The following SPARCL1 variants were observed in gnomAD, a reference collection of about 807,000 sequenced individuals.
SPARCL1 encodes the protein SPARC-like protein 1.
Under a neutral mutation model 67.1 loss-of-function variants are expected in SPARCL1, and 52 were observed. The observed-to-expected ratio is 0.78, with a 90% confidence interval of 0.62 to 0.98. The LOEUF is 0.98. SPARCL1 is among the 50% of genes least tolerant of loss of function. The pLI, the probability that SPARCL1 is intolerant of heterozygous loss-of-function variation, is 0.00. For synonymous variants in SPARCL1, 226 were observed against 267.8 expected (o/e 0.84, Z 1.52); for missense variants, 717 against 782.4 (o/e 0.92, Z 1.00).
At chr4:87,522,993 GC>G (rs1725888657) in intron 1 of SPARCL1, among the ~76,000 whole-genome samples, 1 of 152,182 alleles carries the variant, frequency 6.6e-6, no homozygotes, top group African/African-American at 2.4e-5. Flanking sequence ...GGGCACAGTG[GC>G]TCATGCCTGT....
At chr4:87,506,817 CTATCTAT>C (rs753904697) in intron 1 of SPARCL1, among the ~76,000 whole-genome samples, 65 of 151,122 alleles carry the variant, frequency 4.3e-4, no homozygotes, top group Admixed American at 1.1e-3. Flanking sequence ...ATCTATCTAT[CTATCTAT>C]CTACCTACCT....
chr4:87,494,226 C>A lies in SPARCL1; in HGVS notation c.574G>T (p.Glu192Ter). ...CCATTGGAAATATTTGGATCCTGCTCTTGGTTTCCTTGATCCCTTAGGCCT... is the reference window on the plus strand; with the variant it reads ...CCATTGGAAATATTTGGATCCTGCTATTGGTTTCCTTGATCCCTTAGGCCT... ...SQGLRDQGNQ[E>*]QDPNISNGEE... Residue 192 changes from glutamate (E) to a stop codon, truncating the protein, a stop_gained, in exon 4 of 11, where the codon GAG becomes TAG. Transcript: ENST00000282470. LOFTEE classifies it high-confidence loss of function. 6.2e-7 allele frequency: 1 copy of A among 1,614,126 alleles called. No homozygotes were observed. The highest frequency in any genetic ancestry group is 8.5e-7 in the Non-Finnish European group (1 of 1,180,036).
chr4:87,509,079 T>C (rs1725240291), intron 1 of SPARCL1, among the ~76,000 whole-genome samples: 2 of 148,536 alleles, frequency 1.3e-5, no homozygotes, highest in African/African-American at 4.9e-5. Context: ...TAATAATGTA[T>C]CTATAAATAT....
intron 4 of SPARCL1, among the ~76,000 whole-genome samples, chr4:87,492,847 C>T (rs998702191): frequency 4.6e-5 from 7 of 152,170 alleles, no homozygotes; most frequent in Non-Finnish European, 1.0e-4. Context: ...CTCCCTGCCC[C>T]GATCCTGCTG....
At chr4:87,481,263 C>T (rs71607436) in intron 8 of SPARCL1, among the ~76,000 whole-genome samples, 27,133 of 152,122 alleles carry the variant, frequency 0.18, 3,057 homozygotes, top group Admixed American at 0.25. Context: ...TATCGAAGAA[C>T]GCCCTCTGGC....
rs181396730 is a variant in SPARCL1, at chr4:87,526,945, A to C, written c.-12+2100T>G. On this transcript the variant is annotated intron_variant, in intron 1 of 10. Transcript: ENST00000282470. ...TTTCCATGAATGAAGAGACTGAGGC[A>C]CAAAGAGATGAAGTTGTTTGCCCAA... Among the ~76,000 whole-genome samples the C allele has an allele frequency of 3.3e-5, 5 of 152,360 alleles. No individual in the cohort carries two copies. In the East Asian group the frequency reaches 9.6e-4, roughly 29 times the overall value.
At chr4:87,474,678 C>T (rs1723491617) in intron 10 of SPARCL1, among the ~76,000 whole-genome samples, 1 of 151,214 alleles carries the variant, frequency 6.6e-6, no homozygotes, top group Non-Finnish European at 1.5e-5. Flanking sequence ...AAATATGTTT[C>T]ATATTTAGCC....
chr4:87,504,239 T>A (rs1422600404), intron 1 of SPARCL1, among the ~76,000 whole-genome samples: 2 of 150,444 alleles, frequency 1.3e-5, no homozygotes, highest in East Asian at 3.9e-4. Flanking sequence ...TTAAATCATT[T>A]ATAACCTTAC....
chr4:87,485,269 G>C (rs189564413), intron 7 of SPARCL1, among the ~76,000 whole-genome samples: 1 of 152,214 alleles, frequency 6.6e-6, no homozygotes, highest in Admixed American at 6.5e-5. Flanking sequence ...AGAGTTTTTA[G>C]CATGAAGGGA....
intron 1 of SPARCL1, among the ~76,000 whole-genome samples, chr4:87,502,761 T>C (rs4693167): frequency 0.44 from 66,937 of 152,042 alleles, 15,497 homozygotes; most frequent in East Asian, 0.75. Context: ...ATTAATACTT[T>C]GCAGTGAGTC....
chr4:87,524,267 A>C (rs1009372671), intron 1 of SPARCL1, among the ~76,000 whole-genome samples: 1 of 152,162 alleles, frequency 6.6e-6, no homozygotes, highest in Admixed American at 6.6e-5. Flanking sequence ...AATGGTTCAC[A>C]TTTATGCAAT....
intron 2 of SPARCL1, 78 bp from the exon 3 acceptor site, chr4:87,495,205 A>C (rs1724569296): frequency 8.2e-7 from 1 of 1,221,100 alleles, no homozygotes; most frequent in African/African-American, 1.6e-5. Context: ...TCTTGTTGTC[A>C]TCATTATTAG....
At chr4:87,506,275 T>C (rs1429159435) in intron 1 of SPARCL1, among the ~76,000 whole-genome samples, 3 of 152,204 alleles carry the variant, frequency 2.0e-5, no homozygotes, top group African/African-American at 7.2e-5. Flanking sequence ...AAGCCTCAGA[T>C]TCCCCATCTA....
intron 1 of SPARCL1, chr4:87,528,639 A>C (rs1401550535): frequency 1.3e-5 from 2 of 152,168 alleles, no homozygotes; most frequent in Non-Finnish European, 2.9e-5. Flanking sequence ...AACATGGAAA[A>C]CATACAAATT....
intron 1 of SPARCL1, among the ~76,000 whole-genome samples, chr4:87,510,987 G>A (rs908932288): frequency 6.6e-6 from 1 of 152,250 alleles, no homozygotes; most frequent in African/African-American, 2.4e-5. Context: ...GCTCGCTCAG[G>A]TTCCTGCAGT....
intron 1 of SPARCL1, among the ~76,000 whole-genome samples, chr4:87,507,698 C>T (rs948144009): frequency 6.6e-6 from 1 of 152,204 alleles, no homozygotes; most frequent in African/African-American, 2.4e-5. Flanking sequence ...TGAATTCTGA[C>T]ACTGTGTACC....
chr4:87,496,123 A>T (rs1210672845), intron 2 of SPARCL1, among the ~76,000 whole-genome samples: 1 of 152,164 alleles, frequency 6.6e-6, no homozygotes, highest in East Asian at 1.9e-4. Context: ...TGGAGGTAAG[A>T]GGCCTCCATT....
intron 10 of SPARCL1, among the ~76,000 whole-genome samples, chr4:87,478,657 C>G (rs949241267): frequency 2.0e-5 from 3 of 152,068 alleles, no homozygotes; most frequent in African/African-American, 7.2e-5. Context: ...AGGCTAGTCT[C>G]TAACTCCTGA....
At chr4:87,493,552 T>C (rs1424287098) in intron 4 of SPARCL1, 30 bp downstream of exon 4, 2 of 1,560,758 alleles carry the variant, frequency 1.3e-6, no homozygotes, top group African/African-American at 1.4e-5. Context: ...GCTGGCTTTA[T>C]TGGACAAGGA....
Sources: allele counts gnomAD v4.1 joint callset (sites outside exome capture counted in the v4.1 genomes callset), GRCh38; gene constraint gnomAD v4.1.1; transcripts MANE v1.5; gene names NCBI Gene and HGNC (gene_info 2026-07-23, HGNC 2026-07-21).